Variants in SYBU observed in about 807,000 individuals in gnomAD.
The protein encoded by SYBU is GOLSYN A protein.
SYBU carries 21 observed loss-of-function variants against 35.9 expected under a neutral mutation model. That is an observed-to-expected ratio of 0.58 (90% CI 0.41 to 0.84). SYBU has a LOEUF of 0.84. SYBU is among the 40% of genes least tolerant of loss of function. The pLI is 0.00. For synonymous variants in SYBU, 319 were observed against 324.3 expected (o/e 0.98, Z 0.18); for missense variants, 768 against 848.2 (o/e 0.91, Z 1.17).
chr8:109,665,670 C>T (rs1816727299), intron 1 of SYBU, among the ~76,000 whole-genome samples: 1 of 152,200 alleles, frequency 6.6e-6, no homozygotes, highest in Non-Finnish European at 1.5e-5. Context: ...GCATTTGTGA[C>T]ATTGAAACAA....
intron 1 of SYBU, among the ~76,000 whole-genome samples, chr8:109,679,945 T>C (rs945171250): frequency 6.6e-6 from 1 of 152,196 alleles, no homozygotes; most frequent in Non-Finnish European, 1.5e-5. Context: ...ATTACCTTCA[T>C]GGTAGCTGTT....
At chr8:109,587,369 TCTCA>T (rs1446661314) in intron 3 of SYBU, among the ~76,000 whole-genome samples, 4 of 152,242 alleles carry the variant, frequency 2.6e-5, no homozygotes, top group African/African-American at 9.6e-5. Flanking sequence ...TAGACATTAA[TCTCA>T]CTATTTTACT....
intron 2 of SYBU, among the ~76,000 whole-genome samples, chr8:109,636,727 A>G (rs1394732985): frequency 6.6e-6 from 1 of 152,224 alleles, no homozygotes; most frequent in African/African-American, 2.4e-5. Context: ...AAAATAGTAA[A>G]AAGTATAGAT....
chr8:109,604,786 C>A (rs137962813), intron 3 of SYBU, among the ~76,000 whole-genome samples: 2 of 152,164 alleles, frequency 1.3e-5, no homozygotes, highest in Non-Finnish European at 2.9e-5. Context: ...CTTCCTCTAA[C>A]GATGAGGGAA....
At chr8:109,641,982 C>A (rs572307408) in intron 2 of SYBU, among the ~76,000 whole-genome samples, 1 of 152,180 alleles carries the variant, frequency 6.6e-6, no homozygotes, top group African/African-American at 2.4e-5. Context: ...ATAAATCATT[C>A]CACTATAAAG....
At chr8:109,680,518 C>A (rs536465915) in intron 1 of SYBU, among the ~76,000 whole-genome samples, 3 of 152,192 alleles carry the variant, frequency 2.0e-5, no homozygotes, top group Non-Finnish European at 4.4e-5. Context: ...TTTAAATGCT[C>A]CCTTGAAAAC....
At chr8:109,596,241 TAA>T (rs923565896) in intron 3 of SYBU, among the ~76,000 whole-genome samples, 1 of 152,264 alleles carries the variant, frequency 6.6e-6, no homozygotes, top group African/African-American at 2.4e-5. Context: ...ATGTATTTTT[TAA>T]AAGAGTCTCA....
chr8:109,673,670 A>G (rs1436138635), intron 1 of SYBU, among the ~76,000 whole-genome samples: 2 of 152,198 alleles, frequency 1.3e-5, no homozygotes, highest in Non-Finnish European at 2.9e-5. Flanking sequence ...ACAAAACCGA[A>G]CAGGGAATAT....
chr8:109,651,028 T>C (rs555285237), intron 1 of SYBU, among the ~76,000 whole-genome samples: 41 of 152,322 alleles, frequency 2.7e-4, no homozygotes, highest in Non-Finnish European at 4.0e-4. Context: ...AAGTTACTAC[T>C]CCCTTCTGTC....
chr8:109,580,583 C>A (rs1822912517), intron 4 of SYBU: 1 of 153,478 alleles, frequency 6.5e-6, no homozygotes, highest in Admixed American at 6.5e-5. Flanking sequence ...TGACTTAAGA[C>A]AACCTTTGTC....
In SYBU at chr8:109,584,495, G is replaced by A. The variant is rs1482520944; in HGVS notation, c.530+1565C>T. ...GTGTATGTCATAATTTCTTGAGTGG[G>A]TTATATAAATGGTTTATTCTTAGAG... On this transcript the variant is annotated intron_variant, in intron 4 of 6. Transcript: ENST00000276646. This position sits in a 1 kb window ranked among gnomAD's most constrained non-coding sequence, Gnocchi z 4.0. 6.6e-6 allele frequency among the ~76,000 whole-genome samples: 1 copy of A among 151,940 alleles called. No individual in the cohort carries two copies. Among genetic ancestry groups the A allele is most frequent in the Non-Finnish European group, 1.5e-5 (1 of 68,014 alleles).
chr8:109,637,771 C>A (rs1014422565), intron 2 of SYBU, among the ~76,000 whole-genome samples: 3 of 152,134 alleles, frequency 2.0e-5, no homozygotes, highest in Admixed American at 6.5e-5. Flanking sequence ...CAAGGCCTGG[C>A]AAATTTTTGG....
intron 1 of SYBU, among the ~76,000 whole-genome samples, chr8:109,670,522 T>C (rs909192768): frequency 2.0e-5 from 3 of 152,198 alleles, no homozygotes; most frequent in African/African-American, 7.2e-5. Flanking sequence ...GCTCATTGAA[T>C]TTCTAAATAC....
chr8:109,619,165 G>T (rs753023517), intron 2 of SYBU, 126 bp from the exon 3 acceptor site: 1 of 687,426 alleles, frequency 1.5e-6, no homozygotes, highest in Non-Finnish European at 2.5e-6. Context: ...ATGAAGCCCA[G>T]GTTAACTGCT....
chr8:109,644,596 TC>T (rs1319955921), intron 1 of SYBU, 39 bp downstream of exon 1: 2 of 1,540,280 alleles, frequency 1.3e-6, no homozygotes, highest in Non-Finnish European at 8.7e-7. Context: ...GTGCCCGCCT[TC>T]CCCGCCCTCC....
chr8:109,580,057 G>T, intron 4 of SYBU, 55 bp from the exon 5 acceptor site: 1 of 1,491,488 alleles, frequency 6.7e-7, no homozygotes, highest in Non-Finnish European at 9.3e-7. Flanking sequence ...ATGCCCAAGG[G>T]CTAATGTCTT....
chr8:109,644,063 C>T (rs1327852395), intron 1 of SYBU: 2 of 456,472 alleles, frequency 4.4e-6, no homozygotes, highest in South Asian at 1.5e-5. Context: ...GGAAGGGTCA[C>T]GGCCAAAATA....
chr8:109,657,726 T>C (rs1165034799), intron 1 of SYBU, among the ~76,000 whole-genome samples: 1 of 152,210 alleles, frequency 6.6e-6, no homozygotes, highest in Non-Finnish European at 1.5e-5. Context: ...TCTGAAACCT[T>C]TGAGCAATCC....
chr8:109,611,482 A>G (rs1396543752), intron 3 of SYBU, among the ~76,000 whole-genome samples: 8 of 152,176 alleles, frequency 5.3e-5, no homozygotes, highest in Admixed American at 5.2e-4. Flanking sequence ...GCTTTATTTT[A>G]CTGGTTTGGT....
Sources: allele counts gnomAD v4.1 joint callset (sites outside exome capture counted in the v4.1 genomes callset), GRCh38; gene constraint gnomAD v4.1.1; non-coding constraint Gnocchi (gnomAD v3.1); transcripts MANE v1.5; gene names NCBI Gene and HGNC (gene_info 2026-07-23, HGNC 2026-07-21).